The following CEP290 variants were observed in gnomAD, a reference collection of about 807,000 sequenced individuals.
CEP290 encodes the protein centrosomal protein 290, also known as centrosomal protein of 290 kDa.
Under a neutral mutation model 344.9 loss-of-function variants are expected in CEP290, and 317 were observed. The observed-to-expected ratio is 0.92, with a 90% CI of 0.84 to 1.01. The LOEUF (loss-of-function observed/expected upper bound fraction) is 1.01. Ranked by LOEUF, CEP290 falls within the 50% of genes least tolerant of loss-of-function variation. The pLI is 0.00. For missense variants in CEP290, 2,754 were observed against 2,761.4 expected, an observed-to-expected ratio of 1.00 and a Z score of 0.06; for synonymous variants, 932 against 895.8, an observed-to-expected ratio of 1.04 and a Z score of -0.72.
intron 18 of CEP290, chr12:88,116,010 T>G (rs968927277): frequency 1.0e-6 from 1 of 985,264 alleles, no homozygotes; most frequent in Non-Finnish European, 1.2e-6. Context: ...TACTTGTGAT[T>G]TATCCATGTC....
chr12:88,052,503 C>T (rs976610451), intron 52 of CEP290, among the ~76,000 whole-genome samples: 1 of 152,014 alleles, frequency 6.6e-6, no homozygotes, highest in African/African-American at 2.4e-5. Flanking sequence ...ATGTTACTTG[C>T]CAAGAAAATA....
chr12:88,088,496 TG>T (rs2036765607), intron 31 of CEP290, among the ~76,000 whole-genome samples: 1 of 152,202 alleles, frequency 6.6e-6, no homozygotes, highest in South Asian at 2.1e-4. Context: ...TAAAATTCTT[TG>T]CTATTATACA....
chr12:88,123,128 T>C (rs962555274), intron 13 of CEP290, among the ~76,000 whole-genome samples: 5 of 152,082 alleles, frequency 3.3e-5, no homozygotes, highest in Non-Finnish European at 7.4e-5. Context: ...ACTGGCACAC[T>C]AGGATCCCAT....
In CEP290 at chr12:88,139,485, A is replaced by C; in HGVS notation, c.250+10T>G. On this transcript the variant is annotated intron_variant, in intron 4 of 53. Coordinates refer to ENST00000552810, the MANE Select transcript of CEP290 (RefSeq NM_025114.4). ...TTAATACCATAATAAACTTTTTCCAAGGTGCTTACCAAATTTTGCTTGTTC... is the reference window on the plus strand; with the variant it reads ...TTAATACCATAATAAACTTTTTCCACGGTGCTTACCAAATTTTGCTTGTTC... The C allele has an allele frequency of 1.3e-6, 2 of 1,594,230 alleles. No individual in the cohort carries two copies. The highest frequency in any genetic ancestry group is 1.7e-6 in the Non-Finnish European group (2 of 1,170,786).
chr12:88,103,138 T>G (rs1195823301), intron 25 of CEP290, 127 bp from the exon 26 acceptor site: 2 of 482,354 alleles, frequency 4.1e-6, no homozygotes, highest in East Asian at 7.2e-5. Flanking sequence ...AAATATATGA[T>G]TTCCCATGTA....
intron 32 of CEP290, among the ~76,000 whole-genome samples, chr12:88,087,209 G>A (rs551996882): frequency 6.6e-6 from 1 of 152,266 alleles, no homozygotes; most frequent in East Asian, 1.9e-4. Context: ...CAGTAGAAAC[G>A]TGGAACTGTG....
At chr12:88,137,962 ACT>A (rs1321861452) in intron 5 of CEP290, among the ~76,000 whole-genome samples, 5 of 152,220 alleles carry the variant, frequency 3.3e-5, no homozygotes, top group Non-Finnish European at 7.3e-5. Flanking sequence ...CGCAAAATGC[ACT>A]GGGAATTTAA....
chr12:88,094,073 G>T, intron 27 of CEP290, 98 bp from the exon 28 acceptor site: 1 of 927,686 alleles, frequency 1.1e-6, no homozygotes, highest in African/African-American at 1.7e-5. Flanking sequence ...ATAGTTCCAT[G>T]GAAAGCACAT....
chr12:88,111,394 C>A (rs748788570), intron 21 of CEP290, 43 bp from the exon 22 acceptor site: 1 of 1,520,720 alleles, frequency 6.6e-7, no homozygotes, highest in Non-Finnish European at 8.8e-7. Flanking sequence ...ACTCTTACAC[C>A]CAAAGAAAGA....
intron 1 of CEP290, among the ~76,000 whole-genome samples, 176 bp downstream of exon 1, chr12:88,141,724 G>A (rs2040686578): frequency 6.6e-6 from 1 of 152,140 alleles, no homozygotes; most frequent in Non-Finnish European, 1.5e-5. Flanking sequence ...AAAAAACGCA[G>A]AAATTAACAT....
chr12:88,118,554 T>A lies in CEP290; in HGVS notation c.1640A>T (p.Glu547Val). The change falls in exon 17 of 54, where the codon GAA (glutamate) becomes GTA (valine). Residue 547 changes from glutamate to valine, a missense_variant. Coordinates refer to ENST00000552810, the MANE Select transcript of CEP290 (RefSeq NM_025114.4). ...ILLKEIESLE[E>V]ERLDLKKKIR... Reference sequence around the variant, plus strand: ...TTTTTTTTTCAGATCAAGTCGTTCTTCCTCTAGACTTTCAATCTGCAAAGT... The same window carrying A: ...TTTTTTTTTCAGATCAAGTCGTTCTACCTCTAGACTTTCAATCTGCAAAGT... 6.3e-7 allele frequency: 1 copy of A among 1,594,146 alleles called. No homozygotes were observed. The highest frequency in any genetic ancestry group is 8.6e-7 in the Non-Finnish European group (1 of 1,168,590).
chr12:88,077,904 A>G lies in CEP290; in HGVS notation c.5379T>C (p.Asp1793=), dbSNP rs1031513373. The G allele has an allele frequency of 2.4e-5, 32 of 1,316,910 alleles. No individual in the cohort carries two copies. The highest frequency in any genetic ancestry group is 3.1e-5 in the Non-Finnish European group (30 of 962,310). The allele number at this position is 1,316,910 out of a possible 1,614,324, so 81.6% of individuals were successfully genotyped here. Residue 1793 remains aspartate (D), a synonymous_variant, in exon 40 of 54, where the codon GAT becomes GAC. Transcript: ENST00000552810. ...HTRELKTQVE[D]LNENLLKLKE... is the part of the protein sequence containing the mutation. ...TCAATTTTAAAAGATTTTCATTTAA[A>G]TCTTCAACTTGTGTCTAATAAGAGA...
intron 52 of CEP290, among the ~76,000 whole-genome samples, chr12:88,052,476 A>G (rs1040973838): frequency 6.6e-6 from 1 of 152,190 alleles, no homozygotes; most frequent in African/African-American, 2.4e-5. Context: ...AAATGTGTAT[A>G]GTATTAGTTC....
At chr12:88,105,677 CCA>C (rs764942400) in intron 25 of CEP290, among the ~76,000 whole-genome samples, 1 of 152,076 alleles carries the variant, frequency 6.6e-6, no homozygotes, top group Non-Finnish European at 1.5e-5. Flanking sequence ...CAAAATATCA[CCA>C]GTTAGCTAAA....
At chr12:88,139,270 A>C in intron 4 of CEP290, 79 bp from the exon 5 acceptor site, 2 of 663,668 alleles carry the variant, frequency 3.0e-6, no homozygotes, top group Non-Finnish European at 4.8e-6. Flanking sequence ...TTTCAATAAC[A>C]AAATTAATTC....
Position 88,063,995 on chromosome 12 carries a change from A to G in CEP290, c.6256T>C (p.Leu2086=), listed in dbSNP as rs374183249. 1.3e-6 allele frequency: 2 copies of G among 1,596,314 alleles called. No homozygotes were observed. The highest frequency in any genetic ancestry group is 2.7e-5 in the African/African-American group (2 of 74,196). ...ATTAAATTCACCTTTAATCTTGGCA[A>G]ATCTTTATTTGCTTGTTCAAGCTGA... ...KFQLEQANKD[L]PRLKNQVRDL... Residue 2086 remains leucine (L), a synonymous_variant, in exon 45 of 54, where the codon TTG becomes CTG. Coordinates refer to ENST00000552810, the MANE Select transcript of CEP290 (RefSeq NM_025114.4).
chr12:88,080,244 TA>T lies in CEP290; in HGVS notation c.5163del (p.Thr1722GlnfsTer2), dbSNP rs1565827171. 4 of 1,613,650 alleles carry T rather than the reference TA, an allele frequency of 2.5e-6. No individual in the cohort carries two copies. The highest frequency in any genetic ancestry group is 3.4e-6 in the Non-Finnish European group (4 of 1,179,698). Reference protein sequence around the residue: ...QKEANSRAPTTTMRNLVERLK... With the variant: ...QKEANSRAPTXTMRNLVERLK... The stretch of plus-strand genomic sequence containing the variant: ...AGCCGTTCTACTAGATTTCTCATTG[TA>T]GTTGTTGGAGCTCTTGAATTTGCTT... On this transcript the variant is annotated frameshift_variant, in exon 38 of 54. Coordinates refer to ENST00000552810, the MANE Select transcript of CEP290 (RefSeq NM_025114.4). LOFTEE classifies it high-confidence loss of function.
chr12:88,068,855 GCCT>G (rs2035148357), intron 43 of CEP290, among the ~76,000 whole-genome samples: 1 of 151,870 alleles, frequency 6.6e-6, no homozygotes. Flanking sequence ...TTCACTGAAG[GCCT>G]CCTTTAAATG....
intron 7 of CEP290, 104 bp downstream of exon 7, chr12:88,131,061 C>T: frequency 1.2e-6 from 1 of 867,670 alleles, no homozygotes; most frequent in Non-Finnish European, 1.7e-6. Flanking sequence ...ACATCAGTTA[C>T]TTAGAAGACT....
Sources: allele counts gnomAD v4.1 joint callset (sites outside exome capture counted in the v4.1 genomes callset), GRCh38; gene constraint gnomAD v4.1.1; transcripts MANE v1.5; gene names NCBI Gene and HGNC (gene_info 2026-07-23, HGNC 2026-07-21).